TASP1: variants seen among roughly 807,000 people sequenced by gnomAD.
TASP1 encodes the protein threonine aspartase 1.
Under a neutral mutation model 56.6 loss-of-function variants are expected in TASP1, and 16 were observed. The ratio of observed to expected loss-of-function variants is 0.28; its 90% CI spans 0.19 to 0.43. The LOEUF (loss-of-function observed/expected upper bound fraction) is 0.43. TASP1 is among the 20% of genes least tolerant of loss of function. The pLI is 1.00. For synonymous variants in TASP1, 179 were observed against 184.2 expected, an observed-to-expected ratio of 0.97 and a Z score of 0.23; for missense variants, 393 against 511.6, an observed-to-expected ratio of 0.77 and a Z score of 2.24.
the TASP1 span, among the ~76,000 whole-genome samples, chr20:13,205,531 C>T: frequency 4.5e-3 from 689 of 152,166 alleles, 9 homozygotes; most frequent in African/African-American, 0.016. Context: ...TGTGGGCCCA[C>T]TTCGTGGTTT....
the TASP1 span, among the ~76,000 whole-genome samples, chr20:13,288,998 G>T: frequency 0.02 from 3,100 of 152,210 alleles, 105 homozygotes; most frequent in African/African-American, 0.071. Flanking sequence ...ATGTTGGCCA[G>T]GTTGGTCTCA....
At chr20:13,375,865 C>T in the TASP1 span, among the ~76,000 whole-genome samples, 1 of 151,930 alleles carries the variant, frequency 6.6e-6, no homozygotes, top group South Asian at 2.1e-4. Context: ...TTGCTGGCTG[C>T]ATAAATGTCT....
At chr20:13,366,424 C>T in the TASP1 span, among the ~76,000 whole-genome samples, 3 of 152,116 alleles carry the variant, frequency 2.0e-5, no homozygotes, top group Admixed American at 6.5e-5. Context: ...GTGAAGAAAG[C>T]CTATAATTCT....
chr20:13,259,235 C>T, the TASP1 span, among the ~76,000 whole-genome samples: 3 of 150,426 alleles, frequency 2.0e-5, no homozygotes, highest in South Asian at 2.1e-4. Flanking sequence ...GAGCCGAGAT[C>T]GTACCACTGC....
chr20:13,290,460 T>C, the TASP1 span, among the ~76,000 whole-genome samples: 1 of 152,122 alleles, frequency 6.6e-6, no homozygotes, highest in Non-Finnish European at 1.5e-5. Flanking sequence ...CCATCCTGGC[T>C]AACACGGTGA....
chr20:13,566,114 C>T (rs529297664), intron 7 of TASP1, among the ~76,000 whole-genome samples: 1 of 152,132 alleles, frequency 6.6e-6, no homozygotes, highest in East Asian at 1.9e-4. Context: ...TCTATGATTC[C>T]ACTTATAAAA....
the TASP1 span, among the ~76,000 whole-genome samples, chr20:13,123,197 G>A: frequency 6.6e-6 from 1 of 152,090 alleles, no homozygotes; most frequent in East Asian, 1.9e-4. Context: ...CAGGAGTGGT[G>A]GCACACGCCT....
chr20:13,539,968 A>AAC (rs3042649), intron 8 of TASP1, among the ~76,000 whole-genome samples: 91,785 of 151,842 alleles, frequency 0.6, 28,554 homozygotes, highest in Non-Finnish European at 0.68. Context: ...AGATCACACG[A>AAC]ATACTCATGG....
At chr20:13,512,333 G>C (rs1230340102) in intron 10 of TASP1, among the ~76,000 whole-genome samples, 8 of 151,900 alleles carry the variant, frequency 5.3e-5, no homozygotes, top group Non-Finnish European at 1.2e-4. Context: ...TTGTGGTTTT[G>C]ATTTGCATTT....
chr20:13,442,122 C>T (rs2043234305), intron 11 of TASP1, among the ~76,000 whole-genome samples: 1 of 152,120 alleles, frequency 6.6e-6, no homozygotes, highest in Non-Finnish European at 1.5e-5. Flanking sequence ...AACTGTCCTT[C>T]CTGGCTCCCT....
intron 13 of TASP1, among the ~76,000 whole-genome samples, chr20:13,398,742 A>G (rs180963974): frequency 6.6e-6 from 1 of 152,338 alleles, no homozygotes; most frequent in East Asian, 1.9e-4. Context: ...TTTTAAAGAA[A>G]AATGTCTATG....
intron 11 of TASP1, among the ~76,000 whole-genome samples, chr20:13,471,057 G>C (rs2044471549): frequency 6.6e-6 from 1 of 152,064 alleles, no homozygotes; most frequent in Admixed American, 6.6e-5. Flanking sequence ...CAGAATCTCT[G>C]CTCTCCTAGA....
the TASP1 span, among the ~76,000 whole-genome samples, chr20:13,336,444 C>T: frequency 4.6e-5 from 7 of 152,190 alleles, no homozygotes; most frequent in African/African-American, 1.7e-4. Context: ...GAGATCACTG[C>T]TGCCCTGTGC....
the TASP1 span, among the ~76,000 whole-genome samples, chr20:13,214,562 C>CAGAGAGAGAG: frequency 9.0e-6 from 1 of 111,380 alleles, no homozygotes; most frequent in African/African-American, 3.3e-5. Context: ...CACACACACA[C>CAGAGAGAGAG]AGAGAGAGAG....
intron 3 of TASP1, 124 bp from the exon 4 acceptor site, chr20:13,623,638 T>G (rs1346046494): frequency 1.5e-6 from 1 of 662,368 alleles, no homozygotes; most frequent in Non-Finnish European, 2.6e-6. Context: ...CATTCCATAC[T>G]TTAAGACATA....
At chr20:13,405,632 C>T (rs2041887963) in intron 13 of TASP1, among the ~76,000 whole-genome samples, 1 of 151,952 alleles carries the variant, frequency 6.6e-6, no homozygotes, top group Admixed American at 6.6e-5. Flanking sequence ...CTGCAACCTC[C>T]GCCTCCTGGG....
intron 11 of TASP1, among the ~76,000 whole-genome samples, chr20:13,437,562 T>C (rs1338208391): frequency 6.6e-6 from 1 of 152,158 alleles, no homozygotes; most frequent in East Asian, 1.9e-4. Context: ...AAAGAGGAAA[T>C]CAAATTGTCC....
At chr20:13,577,251 T>C (rs1414465385) in intron 6 of TASP1, among the ~76,000 whole-genome samples, 1 of 152,142 alleles carries the variant, frequency 6.6e-6, no homozygotes, top group African/African-American at 2.4e-5. Flanking sequence ...TAAGACGTTG[T>C]AGGTAGAAAT....
At chr20:13,182,639 TTTC>T in the TASP1 span, among the ~76,000 whole-genome samples, 196 of 152,288 alleles carry the variant, frequency 1.3e-3, no homozygotes, top group African/African-American at 4.4e-3. Flanking sequence ...ACATGTAAAA[TTTC>T]TTCCTGATTC....
Sources: gnomAD v4.1 joint callset for allele counts (sites outside exome capture counted in the v4.1 genomes callset) on GRCh38, gnomAD v4.1.1 for gene constraint, MANE v1.5 for transcripts, NCBI Gene and HGNC (gene_info 2026-07-23, HGNC 2026-07-21) for gene names.